Variants in MSH3 observed in about 807,000 individuals in gnomAD.
The protein encoded by MSH3 is mutS homolog 3.
In MSH3, 106 loss-of-function variants were observed where a neutral mutation model predicts 123.3. That is an observed-to-expected ratio of 0.86 (90% CI 0.73 to 1.01). MSH3 has a LOEUF of 1.01. Ranked by LOEUF, MSH3 falls within the 50% of genes least tolerant of loss-of-function variation. The pLI is 0.00. For synonymous variants in MSH3, 515 were observed against 481.4 expected (o/e 1.07, Z -0.91); for missense variants, 1,459 against 1,347.6 (o/e 1.08, Z -1.29).
intron 10 of MSH3, among the ~76,000 whole-genome samples, chr5:80,734,236 T>C (rs1743463566): frequency 6.6e-6 from 1 of 152,182 alleles, no homozygotes; most frequent in Non-Finnish European, 1.5e-5. Context: ...TTATATGAAA[T>C]GTCCAGAATA....
chr5:80,829,707 C>T (rs1213753252), intron 20 of MSH3, among the ~76,000 whole-genome samples: 2 of 151,972 alleles, frequency 1.3e-5, no homozygotes, highest in African/African-American at 2.4e-5. Context: ...CTTATAATGC[C>T]TTTGTCCGGT....
At chr5:80,707,761 A>G (rs958817657) in intron 8 of MSH3, among the ~76,000 whole-genome samples, 4 of 152,130 alleles carry the variant, frequency 2.6e-5, no homozygotes, top group Admixed American at 6.6e-5. Flanking sequence ...GTAACAGCTG[A>G]AGTAGGTTTT....
intron 19 of MSH3, among the ~76,000 whole-genome samples, chr5:80,804,898 G>A (rs1744861087): frequency 6.6e-6 from 1 of 152,234 alleles, no homozygotes; most frequent in Non-Finnish European, 1.5e-5. Flanking sequence ...TACTCTGGGA[G>A]GGAAGTAATT....
chr5:80,865,020 A>C (rs1364367695), intron 22 of MSH3, 78 bp downstream of exon 22: 1 of 1,339,314 alleles, frequency 7.5e-7, no homozygotes, highest in Admixed American at 1.7e-5. Flanking sequence ...ACATGAACTT[A>C]CTGCTTATTA....
At chr5:80,733,265 T>TA (rs1743442610) in intron 10 of MSH3, among the ~76,000 whole-genome samples, 1 of 152,148 alleles carries the variant, frequency 6.6e-6, no homozygotes, top group Non-Finnish European at 1.5e-5. Flanking sequence ...GGTGCCAAGA[T>TA]AACTGTCTGT....
rs147547665 is a variant in MSH3 at position 80,697,569 on chromosome 5, T to G, written c.1340+18476T>G. On this transcript the variant is annotated intron_variant, in intron 8 of 23. Coordinates refer to ENST00000265081, the MANE Select transcript of MSH3 (RefSeq NM_002439.5). ...GATGTCCTTACAAATATGTCAGTAT[T>G]ATTGAAGGTAAAGGGGAATGACTGA... is the stretch of plus-strand genomic sequence containing the variant. Among the ~76,000 whole-genome samples, 584 of 152,292 alleles carry G rather than the reference T, an allele frequency of 3.8e-3. 4 individuals are homozygous for G. The highest frequency in any genetic ancestry group is 0.013 in the African/African-American group (545 of 41,550).
intron 20 of MSH3, among the ~76,000 whole-genome samples, chr5:80,836,999 G>A (rs1580080383): frequency 6.6e-6 from 1 of 152,232 alleles, no homozygotes; most frequent in Middle Eastern, 3.4e-3. Context: ...ATGGTGACAT[G>A]GGATCCTGTG....
intron 12 of MSH3, among the ~76,000 whole-genome samples, chr5:80,756,639 C>T (rs1743931473): frequency 6.6e-6 from 1 of 152,112 alleles, no homozygotes; most frequent in Non-Finnish European, 1.5e-5. Context: ...GATCATAACC[C>T]AGTTATAATC....
At chr5:80,724,941 G>A (rs1470762038) in intron 8 of MSH3, among the ~76,000 whole-genome samples, 1 of 152,030 alleles carries the variant, frequency 6.6e-6, no homozygotes, top group East Asian at 1.9e-4. Flanking sequence ...TTGGCCAGGC[G>A]CAGTGGCTCA....
chr5:80,833,487 GGCTGGA>G (rs1745456015), intron 20 of MSH3, among the ~76,000 whole-genome samples: 1 of 152,116 alleles, frequency 6.6e-6, no homozygotes, highest in African/African-American at 2.4e-5. Context: ...TCTGTCGCCA[GGCTGGA>G]GTGCAGTGGC....
At chr5:80,767,099 C>A (rs1226120575) in intron 13 of MSH3, among the ~76,000 whole-genome samples, 1 of 152,138 alleles carries the variant, frequency 6.6e-6, no homozygotes, top group Non-Finnish European at 1.5e-5. Context: ...CGTAGTACTA[C>A]ACTGCATGAG....
In MSH3 at chr5:80,767,943, A is replaced by G; in HGVS notation, c.1907A>G (p.Gln636Arg). 1 of 1,609,280 alleles carries G rather than the reference A, an allele frequency of 6.2e-7. No individual in the cohort carries two copies. ...TATTTCTATTTTCAGTGTTCTACCCAAGAGTTCTTCTTGATTGTCAAAACT... is the reference window on the plus strand; with the variant it reads ...TATTTCTATTTTCAGTGTTCTACCCGAGAGTTCTTCTTGATTGTCAAAACT... ...CSIYHKKCST[Q>R]EFFLIVKTLY... Residue 636 changes from glutamine (Q) to arginine (R), a missense_variant, in exon 14 of 24, where the codon CAA becomes CGA. Gln to Arg is a conservative substitution (Grantham distance 43). Coordinates refer to ENST00000265081, the MANE Select transcript of MSH3 (RefSeq NM_002439.5).
chr5:80,729,731 A>G (rs1743378403), intron 10 of MSH3, among the ~76,000 whole-genome samples: 2 of 152,156 alleles, frequency 1.3e-5, no homozygotes. Context: ...TTAAAAGCTC[A>G]CAATTGACAT....
chr5:80,709,971 T>A (rs1458975576), intron 8 of MSH3, among the ~76,000 whole-genome samples: 1 of 152,260 alleles, frequency 6.6e-6, no homozygotes, highest in Non-Finnish European at 1.5e-5. Flanking sequence ...TCCTTAATGC[T>A]GGTAGCTTCT....
At chr5:80,722,372 T>C (rs1751099744) in intron 8 of MSH3, among the ~76,000 whole-genome samples, 3 of 152,348 alleles carry the variant, frequency 2.0e-5, no homozygotes, top group African/African-American at 7.2e-5. Flanking sequence ...TAGTATAGCT[T>C]TACTTTACAG....
intron 8 of MSH3, among the ~76,000 whole-genome samples, chr5:80,684,557 A>G (rs577276481): frequency 5.3e-5 from 8 of 152,040 alleles, no homozygotes; most frequent in Non-Finnish European, 7.4e-5. Flanking sequence ...TTGTTTGATC[A>G]GTTCTGACAG....
intron 7 of MSH3, among the ~76,000 whole-genome samples, chr5:80,677,132 C>T (rs1366014184): frequency 6.6e-6 from 1 of 152,184 alleles, no homozygotes; most frequent in African/African-American, 2.4e-5. Context: ...CAAAATTGAT[C>T]TTATCTTCTT....
At chr5:80,680,572 G>GT (rs1265055361) in intron 8 of MSH3, among the ~76,000 whole-genome samples, 1 of 148,104 alleles carries the variant, frequency 6.8e-6, no homozygotes, top group Non-Finnish European at 1.5e-5. Flanking sequence ...TCTATTCTGT[G>GT]GTTTTTTTTT....
chr5:80,805,413 A>T (rs1029834386), intron 19 of MSH3, among the ~76,000 whole-genome samples: 34 of 152,226 alleles, frequency 2.2e-4, no homozygotes, highest in African/African-American at 8.0e-4. Context: ...AATGCACACA[A>T]TTAAATACTG....
Sources: allele counts gnomAD v4.1 joint callset (sites outside exome capture counted in the v4.1 genomes callset), GRCh38; gene constraint gnomAD v4.1.1; transcripts MANE v1.5; gene names NCBI Gene and HGNC (gene_info 2026-07-23, HGNC 2026-07-21).